SEPTIN12: variants seen among roughly 807,000 people sequenced by gnomAD.
SEPTIN12 encodes septin-12.
A neutral mutation model predicts 37.7 loss-of-function variants in SEPTIN12; 42 were observed. The ratio of observed to expected loss-of-function variants is 1.11; its 90% CI spans 0.87 to 1.44. The LOEUF is 1.44. Among genes scored for constraint, SEPTIN12 ranks in the 40% most tolerant of loss-of-function variants. The pLI is 0.00. For synonymous variants in SEPTIN12, 254 were observed against 196.7 expected (o/e 1.29, Z -2.44); for missense variants, 613 against 479.2 (o/e 1.28, Z -2.61).
At chr16:4,781,900 G>GC (rs2082375542) in intron 7 of SEPTIN12, among the ~76,000 whole-genome samples, 1 of 133,244 alleles carries the variant, frequency 7.5e-6, no homozygotes, top group Non-Finnish European at 1.5e-5. Flanking sequence ...CACCTCAGCC[G>GC]CCCAAAGTGC....
upstream of SEPTIN12, among the ~76,000 whole-genome samples, chr16:4,791,163 T>C (rs2082544909): frequency 6.6e-6 from 1 of 152,148 alleles, no homozygotes; most frequent in Admixed American, 6.6e-5. Context: ...ATTCTGAAAA[T>C]CGTGGCGGTG....
rs766065573 is a variant in SEPTIN12 at position 4,783,606 on chromosome 16, T to G, written c.630+43A>C. The G allele has an allele frequency of 1.9e-6, 3 of 1,611,166 alleles. No homozygotes were observed. In the East Asian group the frequency reaches 6.7e-5, roughly 36 times the overall value. On this transcript the variant is annotated intron_variant, in intron 6 of 9. Coordinates refer to ENST00000268231, the MANE Select transcript of SEPTIN12 (RefSeq NM_144605.5). ...TCAGCCCACCCTGCCCACTCTGCCC[T>G]CTGCCCCCGCTGACCCCAGCCCTGC...
At chr16:4,780,196 C>G (rs532166590) in intron 7 of SEPTIN12, among the ~76,000 whole-genome samples, 1 of 151,988 alleles carries the variant, frequency 6.6e-6, no homozygotes, top group South Asian at 2.1e-4. Flanking sequence ...CAAGTGATAT[C>G]CCCGCCTCAG....
rs202178605 is a variant in SEPTIN12 at position 4,783,735 on chromosome 16, G to A, written c.544C>T (p.Arg182Trp). 3.2e-5 allele frequency: 51 copies of A among 1,613,962 alleles called. No individual in the cohort carries two copies. Among genetic ancestry groups the A allele is most frequent in the Admixed American group, 5.0e-5 (3 of 60,024 alleles). The change falls in exon 6 of 10, where the codon CGG becomes TGG. Residue 182 changes from arginine to tryptophan, a missense_variant. Coordinates refer to ENST00000268231, the MANE Select transcript of SEPTIN12 (RefSeq NM_144605.5). ...ACCACATTCACAGTCCGGCACAGCC[G>A]CTGCAGGAACTCAATGTCCAGGGGC... ...LRPLDIEFLQRLCRTVNVVPV... is the reference protein window; with the variant it reads ...LRPLDIEFLQWLCRTVNVVPV...
At position 4,777,617 on chromosome 16, in the gene SEPTIN12, C is replaced by A; in HGVS notation, c.*180G>T. On this transcript the variant is annotated 3_prime_UTR_variant, in exon 10 of 10. Transcript: ENST00000268231. Reference sequence around the variant, plus strand: ...TACTCCAGCCTGGGTAACAGAGTGACACCCAGCCTTTTTATTTGTGGATAG... The same window carrying A: ...TACTCCAGCCTGGGTAACAGAGTGAAACCCAGCCTTTTTATTTGTGGATAG... The A allele has an allele frequency of 1.7e-6, 1 of 583,150 alleles. No individual in the cohort carries two copies. The highest frequency in any genetic ancestry group is 3.0e-6 in the Non-Finnish European group (1 of 329,824). The allele number at this position is 583,150 out of a possible 1,614,324, so 36.1% of individuals were successfully genotyped here. A position where few individuals can be genotyped will look rare whatever the true frequency, so the allele number is the denominator to read the frequency against.
intron 8 of SEPTIN12, among the ~76,000 whole-genome samples, chr16:4,778,458 G>A (rs929160925): frequency 6.6e-6 from 1 of 152,222 alleles, no homozygotes; most frequent in African/African-American, 2.4e-5. Flanking sequence ...TGGGGGTCCT[G>A]GAACCACCCT....
At chr16:4,787,342 C>T in intron 2 of SEPTIN12, 138 bp downstream of exon 2, 1 of 810,052 alleles carries the variant, frequency 1.2e-6, no homozygotes, top group Non-Finnish European at 2.1e-6. Context: ...TTTTCAATGA[C>T]AACATCCCTG....
chr16:4,785,942 G>A, intron 3 of SEPTIN12, 38 bp downstream of exon 3: 1 of 1,610,560 alleles, frequency 6.2e-7, no homozygotes, highest in East Asian at 2.2e-5. Context: ...GATGGGGTGG[G>A]GCAGGGTGGG....
intron 4 of SEPTIN12, among the ~76,000 whole-genome samples, chr16:4,785,462 T>C (rs2082426541): frequency 6.6e-6 from 1 of 151,752 alleles, no homozygotes; most frequent in Non-Finnish European, 1.5e-5. Context: ...AGCCATGGCT[T>C]GGCCCCCACC....
At chr16:4,784,277 T>C (rs956030401) in intron 4 of SEPTIN12, 2 of 580,756 alleles carry the variant, frequency 3.4e-6, no homozygotes, top group Non-Finnish European at 6.2e-6. Context: ...GGCTTCACTG[T>C]CTGTAAAATG....
At chr16:4,790,590 C>G (rs1039018034), upstream of SEPTIN12, among the ~76,000 whole-genome samples, 2 of 152,176 alleles carry the variant, frequency 1.3e-5, no homozygotes, top group East Asian at 1.9e-4. Flanking sequence ...CGGTTTGAGA[C>G]CAGCCTGGCC....
chr16:4,785,923 C>A (rs773194128), intron 3 of SEPTIN12, 35 bp from the exon 4 acceptor site: 2 of 1,612,156 alleles, frequency 1.2e-6, no homozygotes, highest in Non-Finnish European at 8.5e-7. Flanking sequence ...AGAGACTGGA[C>A]CCAGGTGGGA....
Position 4,784,049 on chromosome 16 carries a change from A to G in SEPTIN12, c.394T>C (p.Tyr132His). ...NDNCWDPILG[Y>H]INEQYEQYLQ... is the part of the protein sequence containing the mutation. ...TACTGCTCGTATTGCTCGTTGATGT[A>G]GCCCAGGATGGGGTCCCAGCTGAGG... Residue 132 changes from tyrosine (Y) to histidine (H), a missense_variant, in exon 5 of 10, where the codon TAC (tyrosine) becomes CAC (histidine). Coordinates refer to ENST00000268231, the MANE Select transcript of SEPTIN12 (RefSeq NM_144605.5). 6.2e-7 allele frequency: 1 copy of G among 1,614,168 alleles called. No homozygotes were observed. The highest frequency in any genetic ancestry group is 8.5e-7 in the Non-Finnish European group (1 of 1,180,014).
intron 2 of SEPTIN12, 58 bp from the exon 3 acceptor site, chr16:4,786,163 T>C (rs929536710): frequency 9.8e-6 from 15 of 1,527,084 alleles, no homozygotes; most frequent in Non-Finnish European, 1.3e-5. Flanking sequence ...AGTTTTTCTC[T>C]AACTCTTTAC....
intron 5 of SEPTIN12, 27 bp downstream of exon 5, chr16:4,783,904 C>T: frequency 6.2e-7 from 1 of 1,613,708 alleles, no homozygotes. Context: ...GCAGGTGGTC[C>T]TCGCCTTGCA....
At chr16:4,782,177 T>C (rs993547785) in intron 7 of SEPTIN12, among the ~76,000 whole-genome samples, 1 of 150,714 alleles carries the variant, frequency 6.6e-6, no homozygotes, top group African/African-American at 2.4e-5. Context: ...CTCGAACCCC[T>C]GGCCGCAAGT....
At position 4,779,909 on chromosome 16, in the gene SEPTIN12, A is replaced by G. The variant is rs537170962; in HGVS notation, c.727-123T>C. On this transcript the variant is annotated intron_variant, in intron 7 of 9. Coordinates refer to ENST00000268231, the MANE Select transcript of SEPTIN12 (RefSeq NM_144605.5). ...TTTTCGAGGAGGGAACATGGTAGAA[A>G]GTGCACAGAATTCCCAAGTTCAAAG... 1.1e-4 allele frequency: 75 copies of G among 698,702 alleles called. No homozygotes were observed. In the African/African-American group the frequency reaches 1.3e-3, roughly 12 times the overall value. The allele number at this position is 698,702 out of a possible 1,614,324, so 43.3% of individuals were successfully genotyped here.
At chr16:4,784,636 G>A (rs1214258316) in intron 4 of SEPTIN12, among the ~76,000 whole-genome samples, 1 of 98,480 alleles carries the variant, frequency 1.0e-5, no homozygotes, top group African/African-American at 3.2e-5. Context: ...TCGGTGGGGT[G>A]GCACGTGCCT....
intron 4 of SEPTIN12, 69 bp downstream of exon 4, chr16:4,785,738 A>T: frequency 4.4e-6 from 5 of 1,145,048 alleles, no homozygotes; most frequent in Non-Finnish European, 6.6e-6. Flanking sequence ...AGATCATGCC[A>T]TTGCACTCCA....
Sources: gnomAD v4.1 joint callset for allele counts (sites outside exome capture counted in the v4.1 genomes callset) on GRCh38, gnomAD v4.1.1 for gene constraint, MANE v1.5 for transcripts, NCBI Gene and HGNC (gene_info 2026-07-23, HGNC 2026-07-21) for gene names.